RIMBP2: variants seen among roughly 807,000 people sequenced by gnomAD.
The protein encoded by RIMBP2 is RIMS binding protein 2.
RIMBP2 carries 48 observed loss-of-function variants against 118.6 expected under a neutral mutation model. The observed-to-expected ratio is 0.40, with a 90% CI of 0.32 to 0.51. The LOEUF is 0.51. Ranked by LOEUF, RIMBP2 falls within the 20% of genes least tolerant of loss-of-function variation. The pLI is 0.41. For synonymous variants in RIMBP2, 762 were observed against 742.9 expected (o/e 1.03, Z -0.42); for missense variants, 1,551 against 1,768.3 (o/e 0.88, Z 2.20).
At chr12:130,441,401 A>AAATAATAATAATAATAAT (rs58605863) in intron 11 of RIMBP2, among the ~76,000 whole-genome samples, 11 of 122,896 alleles carry the variant, frequency 9.0e-5, no homozygotes, top group Non-Finnish European at 1.4e-4. Context: ...ACTCCATCTC[A>AAATAATAATAATAATAAT]AATAATAATA....
intron 2 of RIMBP2, among the ~76,000 whole-genome samples, chr12:130,568,747 C>G (rs1018110382): frequency 6.6e-6 from 1 of 152,160 alleles, no homozygotes; most frequent in Middle Eastern, 3.2e-3. Flanking sequence ...ATGTTTCTTA[C>G]GTAAATGATT....
intron 2 of RIMBP2, among the ~76,000 whole-genome samples, chr12:130,561,986 GAA>G (rs919737296): frequency 2.0e-5 from 3 of 151,988 alleles, no homozygotes; most frequent in Non-Finnish European, 1.5e-5. Context: ...GAAAAGTGCA[GAA>G]AAAATGACGG....
At chr12:130,659,040 C>T (rs377520952) in intron 1 of RIMBP2, among the ~76,000 whole-genome samples, 25 of 141,816 alleles carry the variant, frequency 1.8e-4, no homozygotes, top group Admixed American at 4.4e-4. Context: ...AGGGACTCCC[C>T]GTAAATCATC....
intron 1 of RIMBP2, among the ~76,000 whole-genome samples, chr12:130,674,666 G>A (rs2064359601): frequency 6.6e-6 from 1 of 152,184 alleles, no homozygotes; most frequent in African/African-American, 2.4e-5. Context: ...ACAGTGGCAT[G>A]GAGTGGCTTC....
At chr12:130,518,984 G>C (rs2051777700) in intron 2 of RIMBP2, among the ~76,000 whole-genome samples, 1 of 152,252 alleles carries the variant, frequency 6.6e-6, no homozygotes, top group East Asian at 1.9e-4. Flanking sequence ...CCAAAAGGAA[G>C]AGAAGCAGAA....
intron 1 of RIMBP2, among the ~76,000 whole-genome samples, chr12:130,686,083 T>C (rs1292386946): frequency 6.6e-6 from 1 of 152,140 alleles, no homozygotes; most frequent in East Asian, 1.9e-4. Flanking sequence ...GCACCTGCTC[T>C]TCCTAGCTGG....
At chr12:130,532,198 T>C (rs1488540128) in intron 2 of RIMBP2, among the ~76,000 whole-genome samples, 12 of 139,178 alleles carry the variant, frequency 8.6e-5, no homozygotes, top group South Asian at 2.5e-4. Flanking sequence ...GAGATGCGTG[T>C]GTGTAGCCTC....
intron 2 of RIMBP2, among the ~76,000 whole-genome samples, chr12:130,579,524 C>T (rs1334473183): frequency 6.6e-6 from 1 of 152,160 alleles, no homozygotes; most frequent in Non-Finnish European, 1.5e-5. Context: ...CTTCCCTTTG[C>T]TGGTTTTGCT....
At chr12:130,588,075 C>T (rs1217726002) in intron 2 of RIMBP2, among the ~76,000 whole-genome samples, 3 of 152,096 alleles carry the variant, frequency 2.0e-5, no homozygotes, top group Admixed American at 2.0e-4. Flanking sequence ...AGCCTTGGAA[C>T]CTGCTGTTCC....
intron 4 of RIMBP2, among the ~76,000 whole-genome samples, chr12:130,482,409 G>A (rs2082091044): frequency 6.6e-6 from 1 of 152,212 alleles, no homozygotes; most frequent in Middle Eastern, 3.2e-3. Context: ...ACAGTGTGAA[G>A]GCAGATCGAT....
chr12:130,455,795 C>T lies in RIMBP2; in HGVS notation c.358+701G>A, dbSNP rs751003757. On this transcript the variant is annotated intron_variant, in intron 7 of 22. Transcript: ENST00000690449. Reference sequence around the variant, plus strand: ...TAAACCAACTTCTTAAACAGGTGGGCAGACCTGGCCATGAAACCTGTCTAA... The same window carrying T: ...TAAACCAACTTCTTAAACAGGTGGGTAGACCTGGCCATGAAACCTGTCTAA... 2.0e-5 allele frequency among the ~76,000 whole-genome samples: 3 copies of T among 152,100 alleles called. No homozygotes were observed. In the East Asian group the frequency reaches 5.8e-4, roughly 29 times the overall value.
At chr12:130,528,346 CA>C (rs2053027224) in intron 2 of RIMBP2, among the ~76,000 whole-genome samples, 1 of 152,066 alleles carries the variant, frequency 6.6e-6, no homozygotes, top group Non-Finnish European at 1.5e-5. Context: ...AATGCAGGAA[CA>C]AAAAACTAAA....
At chr12:130,665,922 G>T (rs2063896854) in intron 1 of RIMBP2, among the ~76,000 whole-genome samples, 1 of 152,132 alleles carries the variant, frequency 6.6e-6, no homozygotes. Flanking sequence ...CACGTATGGG[G>T]TGAAGGGAGT....
intron 2 of RIMBP2, among the ~76,000 whole-genome samples, chr12:130,563,895 A>T (rs1303631955): frequency 6.6e-6 from 1 of 152,210 alleles, no homozygotes; most frequent in African/African-American, 2.4e-5. Flanking sequence ...TATATACAAA[A>T]GCCAAAAACC....
In RIMBP2 at chr12:130,683,131, G is replaced by A. The variant is rs1035914311; in HGVS notation, c.-352+33091C>T. 4.6e-5 allele frequency among the ~76,000 whole-genome samples: 7 copies of A among 152,210 alleles called. No homozygotes were observed. Among genetic ancestry groups the A allele is most frequent in the African/African-American group, 1.7e-4 (7 of 41,456 alleles). On this transcript the variant is annotated intron_variant, in intron 1 of 22. Coordinates refer to ENST00000690449, the MANE Select transcript of RIMBP2 (RefSeq NM_001393629.1). This position sits in a 1 kb window ranked among gnomAD's most constrained non-coding sequence, Gnocchi z 4.4. ...CAGGTATAATTAAGGTAAGGGTAGA[G>A]ATGAGATCCAGGGGGGTTGGGGTGG...
intron 2 of RIMBP2, among the ~76,000 whole-genome samples, chr12:130,626,734 C>T (rs1186433773): frequency 5.3e-5 from 8 of 151,714 alleles, no homozygotes; most frequent in African/African-American, 1.5e-4. Context: ...CAACTACCGC[C>T]GGCATCATCA....
chr12:130,434,694 G>T lies in RIMBP2; in HGVS notation c.2253+40C>A. 6.3e-7 allele frequency: 1 copy of T among 1,584,698 alleles called. No homozygotes were observed. On this transcript the variant is annotated intron_variant, in intron 14 of 22. Coordinates refer to ENST00000690449, the MANE Select transcript of RIMBP2 (RefSeq NM_001393629.1). The surrounding 1 kb of genome is among the most constrained non-coding windows in gnomAD (Gnocchi z 5.7). ...TCCACGGGGCCCGCTCCGAGCCCGC[G>T]CCCACCAGGAGGATGGTGTGGGGCC...
In RIMBP2 at chr12:130,623,243, T is replaced by C. The variant is rs2061427941; in HGVS notation, c.-217+5079A>G. 6.6e-6 allele frequency among the ~76,000 whole-genome samples: 1 copy of C among 152,202 alleles called. No individual in the cohort carries two copies. Among genetic ancestry groups the C allele is most frequent in the African/African-American group, 2.4e-5 (1 of 41,452 alleles). ...CTATATATTTCAACACTTATACAAATAGAAGCACTTTTATTTTACTTTAAG... is the reference window on the plus strand; with the variant it reads ...CTATATATTTCAACACTTATACAAACAGAAGCACTTTTATTTTACTTTAAG... On this transcript the variant is annotated intron_variant, in intron 2 of 22. Transcript: ENST00000690449. This position sits in a 1 kb window ranked among gnomAD's most constrained non-coding sequence, Gnocchi z 4.1.
At chr12:130,596,532 C>CGTAGGAAA (rs2059572571) in intron 2 of RIMBP2, among the ~76,000 whole-genome samples, 1 of 152,170 alleles carries the variant, frequency 6.6e-6, no homozygotes, top group South Asian at 2.1e-4. Context: ...CCACTCACAA[C>CGTAGGAAA]GTAGGAAAAC....
Sources: gnomAD v4.1 joint callset for allele counts (sites outside exome capture counted in the v4.1 genomes callset) on GRCh38, gnomAD v4.1.1 for gene constraint, Gnocchi (gnomAD v3.1) non-coding constraint, MANE v1.5 for transcripts, NCBI Gene and HGNC (gene_info 2026-07-23, HGNC 2026-07-21) for gene names.